The following TENM2 variants were observed in gnomAD, a reference collection of about 807,000 sequenced individuals.
TENM2 encodes teneurin transmembrane protein 2, also known as teneurin-2.
In TENM2, 52 loss-of-function variants were observed where a neutral mutation model predicts 245.2. That is an observed-to-expected ratio of 0.21 (90% confidence interval 0.17 to 0.27). The LOEUF is 0.27. TENM2 is among the 10% of genes least tolerant of loss of function. The probability of loss-of-function intolerance (pLI) is 1.00; values close to 1 mark genes in which losing one functional copy is unlikely to be tolerated. For missense variants in TENM2, 3,046 were observed against 3,666.8 expected (o/e 0.83, Z 4.37); for synonymous variants, 1,363 against 1,438.9 (o/e 0.95, Z 1.19).
At chr5:167,960,537 C>G (rs1435439568) in intron 4 of TENM2, among the ~76,000 whole-genome samples, 1 of 152,012 alleles carries the variant, frequency 6.6e-6, no homozygotes, top group Non-Finnish European at 1.5e-5. Flanking sequence ...ATAGTGGACC[C>G]CCCCTCCCTC....
At chr5:168,148,126 G>T (rs1756274993) in intron 12 of TENM2, among the ~76,000 whole-genome samples, 1 of 152,200 alleles carries the variant, frequency 6.6e-6, no homozygotes, top group Non-Finnish European at 1.5e-5. Context: ...GAAACTGCAG[G>T]TTAGCAGCTG....
intron 2 of TENM2, among the ~76,000 whole-genome samples, chr5:167,733,820 A>C (rs1760603646): frequency 1.3e-5 from 2 of 152,296 alleles, no homozygotes; most frequent in South Asian, 4.1e-4. Flanking sequence ...TCTTAATGGA[A>C]GCGGCTATCA....
chr5:167,960,253 C>T (rs530846449), intron 4 of TENM2, among the ~76,000 whole-genome samples: 39 of 152,286 alleles, frequency 2.6e-4, no homozygotes, highest in Non-Finnish European at 4.6e-4. Context: ...TCTTCAGAGC[C>T]GGCAGGGTGG....
At chr5:167,913,944 C>G (rs1014957051) in intron 3 of TENM2, among the ~76,000 whole-genome samples, 16 of 152,234 alleles carry the variant, frequency 1.1e-4, no homozygotes, top group Admixed American at 2.0e-4. Flanking sequence ...ATATTAAGTG[C>G]TGCTAAGAAT....
chr5:167,514,513 T>G (rs893110076), intron 2 of TENM2, among the ~76,000 whole-genome samples: 9 of 152,188 alleles, frequency 5.9e-5, no homozygotes, highest in African/African-American at 2.2e-4. Context: ...AATACCAGGA[T>G]CCTCATAAAA....
intron 2 of TENM2, among the ~76,000 whole-genome samples, chr5:167,668,195 A>C (rs1755697190): frequency 6.6e-6 from 1 of 152,136 alleles, no homozygotes. Context: ...TCGTTTATTT[A>C]AGGATGAGAG....
intron 9 of TENM2, among the ~76,000 whole-genome samples, chr5:168,106,987 G>A (rs761165470): frequency 3.3e-5 from 5 of 152,180 alleles, no homozygotes; most frequent in Non-Finnish European, 5.9e-5. Flanking sequence ...TTGAACCAAG[G>A]AGGTGGAGGT....
chr5:167,567,132 C>T (rs964179503), intron 2 of TENM2, among the ~76,000 whole-genome samples: 5 of 152,026 alleles, frequency 3.3e-5, no homozygotes, highest in Admixed American at 2.0e-4. Context: ...AGTTTGGAAA[C>T]GGATATAAAA....
At chr5:168,081,393 G>T (rs1413691690) in intron 7 of TENM2, among the ~76,000 whole-genome samples, 2 of 152,120 alleles carry the variant, frequency 1.3e-5, no homozygotes, top group Non-Finnish European at 2.9e-5. Flanking sequence ...CAATTAGCCA[G>T]TCTGTGTCTT....
intron 2 of TENM2, among the ~76,000 whole-genome samples, chr5:167,853,147 G>A (rs552931476): frequency 4.6e-5 from 7 of 151,418 alleles, no homozygotes; most frequent in South Asian, 4.2e-4. Flanking sequence ...AAAATTAGCC[G>A]GGCGTGGTGG....
At chr5:167,763,866 T>C (rs769525858) in intron 2 of TENM2, among the ~76,000 whole-genome samples, 1 of 152,162 alleles carries the variant, frequency 6.6e-6, no homozygotes, top group African/African-American at 2.4e-5. Context: ...TTTTCCTTTT[T>C]CTTTCTTTGA....
At chr5:167,041,903 C>G in the TENM2 span, among the ~76,000 whole-genome samples, 8 of 152,076 alleles carry the variant, frequency 5.3e-5, no homozygotes, top group African/African-American at 1.9e-4. Context: ...ACTGGATTCC[C>G]CTTATGTGTG....
the TENM2 span, among the ~76,000 whole-genome samples, chr5:167,156,234 G>A: frequency 6.6e-6 from 1 of 152,202 alleles, no homozygotes; most frequent in Non-Finnish European, 1.5e-5. Context: ...CTTTGGTAGG[G>A]TGCACAACTA....
At chr5:167,109,665 A>G in the TENM2 span, among the ~76,000 whole-genome samples, 1 of 151,684 alleles carries the variant, frequency 6.6e-6, no homozygotes, top group African/African-American at 2.4e-5. Flanking sequence ...TGGAACATCC[A>G]TTCTTTGGTT....
chr5:167,344,279 C>A lies in TENM2; in HGVS notation c.227-30919C>A, dbSNP rs527806616. ...GAGAATACACAAACACATGCACGTG[C>A]ACGCACACACACACACACACACACA... On this transcript the variant is annotated intron_variant, in intron 1 of 28. Coordinates refer to ENST00000518659, the Ensembl canonical transcript of TENM2. Among the ~76,000 whole-genome samples, 4 of 123,540 alleles carry A rather than the reference C, an allele frequency of 3.2e-5. No homozygotes were observed. The East Asian group carries it at 9.0e-4, about 28-fold the overall frequency. 81.0% of individuals were successfully genotyped at this position (123,540 alleles called of 152,430 possible). A position where few individuals can be genotyped will look rare whatever the true frequency, so the allele number is the denominator to read the frequency against.
chr5:167,595,673 G>A (rs1377510316), intron 2 of TENM2, among the ~76,000 whole-genome samples: 1 of 152,178 alleles, frequency 6.6e-6, no homozygotes. Context: ...ACTTATTTGT[G>A]TCTGAGGAAG....
At chr5:167,876,024 C>A (rs1301306864) in exon 3 of TENM2, 1 of 1,551,542 alleles carries the variant, frequency 6.4e-7, no homozygotes, top group African/African-American at 1.4e-5. Flanking sequence ...TAGTCTCCTC[C>A]CATCTGCTCA....
the TENM2 span, among the ~76,000 whole-genome samples, chr5:167,211,703 A>C: frequency 6.6e-6 from 1 of 152,292 alleles, no homozygotes; most frequent in South Asian, 2.1e-4. Flanking sequence ...ATGATTTAGA[A>C]TTGGTAGCCC....
chr5:167,289,982 G>T (rs896854726), intron 1 of TENM2, among the ~76,000 whole-genome samples: 27 of 152,166 alleles, frequency 1.8e-4, no homozygotes, highest in Admixed American at 7.2e-4. Context: ...GTATCTTGAA[G>T]GCTGAAATGT....
Sources: gnomAD v4.1 joint callset for allele counts (sites outside exome capture counted in the v4.1 genomes callset) on GRCh38, gnomAD v4.1.1 for gene constraint, MANE v1.5 for transcripts, NCBI Gene and HGNC (gene_info 2026-07-23, HGNC 2026-07-21) for gene names.